The following SLC9A4 variants were observed in gnomAD, a reference collection of about 807,000 sequenced individuals.
SLC9A4 encodes the protein sodium/hydrogen exchanger 4.
SLC9A4 carries 63 observed loss-of-function variants against 67.4 expected under a neutral mutation model. The ratio of observed to expected loss-of-function variants is 0.93; its 90% confidence interval spans 0.76 to 1.15. The LOEUF is 1.15. Ranked by LOEUF, SLC9A4 falls within the 50% of genes most tolerant of loss-of-function variation. SLC9A4 has a pLI of 0.00. For missense variants in SLC9A4, 1,089 were observed against 987.7 expected (o/e 1.10, Z -1.38); for synonymous variants, 393 against 367.2 (o/e 1.07, Z -0.80).
chr2:102,486,904 G>A (rs191550749), intron 2 of SLC9A4, among the ~76,000 whole-genome samples: 14 of 152,296 alleles, frequency 9.2e-5, no homozygotes, highest in Admixed American at 4.6e-4. Context: ...TGGAGATTAC[G>A]CCTAACCTTC....
chr2:102,526,552 C>T (rs1674669686), intron 11 of SLC9A4, among the ~76,000 whole-genome samples: 1 of 152,144 alleles, frequency 6.6e-6, no homozygotes, highest in South Asian at 2.1e-4. Flanking sequence ...TTTTACTTTT[C>T]ATGAAATATT....
intron 2 of SLC9A4, among the ~76,000 whole-genome samples, chr2:102,481,671 A>G (rs1480067305): frequency 6.6e-6 from 1 of 152,196 alleles, no homozygotes; most frequent in African/African-American, 2.4e-5. Context: ...CATAAAGACC[A>G]AATATTTTCT....
intron 11 of SLC9A4, 90 bp downstream of exon 11, chr2:102,526,436 CATT>C: frequency 8.5e-7 from 1 of 1,180,378 alleles, no homozygotes; most frequent in East Asian, 2.4e-5. Flanking sequence ...ACATTAAGAA[CATT>C]ATGTAGGTTA....
At chr2:102,515,848 C>A (rs764384562) in intron 8 of SLC9A4, among the ~76,000 whole-genome samples, 1 of 152,044 alleles carries the variant, frequency 6.6e-6, no homozygotes, top group African/African-American at 2.4e-5. Flanking sequence ...CTCATGGACA[C>A]CATACTCTGG....
At chr2:102,511,991 C>G (rs993062962) in intron 6 of SLC9A4, among the ~76,000 whole-genome samples, 1 of 152,106 alleles carries the variant, frequency 6.6e-6, no homozygotes, top group African/African-American at 2.4e-5. Flanking sequence ...TATGAAGAAA[C>G]TTATCTACAG....
intron 4 of SLC9A4, among the ~76,000 whole-genome samples, chr2:102,507,324 A>C (rs1360547792): frequency 6.6e-6 from 1 of 152,244 alleles, no homozygotes; most frequent in East Asian, 1.9e-4. Flanking sequence ...TTATTCTACG[A>C]AGTGAAACTC....
At chr2:102,496,763 T>TATAGTATGTGCTTTTAC (rs1215706721) in intron 2 of SLC9A4, among the ~76,000 whole-genome samples, 1 of 152,250 alleles carries the variant, frequency 6.6e-6, no homozygotes, top group Non-Finnish European at 1.5e-5. Flanking sequence ...GGGCACAATT[T>TATAGTATGTGCTTTTAC]ATAGTATGTG....
In SLC9A4 at chr2:102,509,023, C is replaced by G. The variant is rs552959814; in HGVS notation, c.1488+90C>G. ...ATGTGCACGTGTCACTAGACTTCCTCTTTCCTTCCCCACTCTGCCAAGAGT... is the reference window on the plus strand; with the variant it reads ...ATGTGCACGTGTCACTAGACTTCCTGTTTCCTTCCCCACTCTGCCAAGAGT... On this transcript the variant is annotated intron_variant, in intron 6 of 11. Coordinates refer to ENST00000295269, the MANE Select transcript of SLC9A4 (RefSeq NM_001011552.4). 63 of 1,097,704 alleles carry G rather than the reference C, an allele frequency of 5.7e-5. No individual in the cohort carries two copies. The African/African-American group carries it at 7.8e-4, about 14-fold the overall frequency. The allele number at this position is 1,097,704 out of a possible 1,614,324, so 68.0% of individuals were successfully genotyped here.
intron 9 of SLC9A4, among the ~76,000 whole-genome samples, chr2:102,524,274 C>T (rs149171152): frequency 9.9e-5 from 15 of 152,264 alleles, no homozygotes; most frequent in Non-Finnish European, 1.8e-4. Flanking sequence ...CCTACTGACC[C>T]CTGGCAAACT....
rs373684225 is a variant in SLC9A4 at position 102,474,040 on chromosome 2, G to A, written c.256+25G>A. ...GGTAAGTCCTTAAACACCTGGTTTG[G>A]TGAGTTATCTTTTTACATAAGATAG... On this transcript the variant is annotated intron_variant, in intron 1 of 11. Transcript: ENST00000295269. 4 of 1,605,070 alleles carry A rather than the reference G, an allele frequency of 2.5e-6. No homozygotes were observed. The African/African-American group carries it at 4.0e-5, about 16-fold the overall frequency.
At chr2:102,526,423 G>A (rs955028626) in intron 11 of SLC9A4, 77 bp downstream of exon 11, 2 of 1,348,028 alleles carry the variant, frequency 1.5e-6, no homozygotes, top group African/African-American at 1.4e-5. Context: ...GGGCCAAGAG[G>A]CAACATTAAG....
intron 3 of SLC9A4, 132 bp downstream of exon 3, chr2:102,503,839 T>C (rs959212329): frequency 2.0e-5 from 26 of 1,276,912 alleles, no homozygotes; most frequent in Non-Finnish European, 2.5e-5. Context: ...TTTAGGATCT[T>C]CTAAACTTTT....
At chr2:102,486,266 G>C (rs534830339) in intron 2 of SLC9A4, among the ~76,000 whole-genome samples, 3 of 152,270 alleles carry the variant, frequency 2.0e-5, no homozygotes, top group African/African-American at 7.2e-5. Flanking sequence ...ATGGAGATAT[G>C]GTTGATGGAG....
At chr2:102,491,711 C>A (rs181331902) in intron 2 of SLC9A4, among the ~76,000 whole-genome samples, 14 of 152,166 alleles carry the variant, frequency 9.2e-5, no homozygotes, top group Admixed American at 9.2e-4. Flanking sequence ...ACCGCTGTCC[C>A]CTCCCAAATC....
At chr2:102,530,022 T>C (rs189472556) in intron 11 of SLC9A4, among the ~76,000 whole-genome samples, 246 of 152,338 alleles carry the variant, frequency 1.6e-3, no homozygotes, top group African/African-American at 5.8e-3. Context: ...AACACGACAA[T>C]GTGAATGCAC....
chr2:102,524,031 T>C (rs748658179), intron 9 of SLC9A4, among the ~76,000 whole-genome samples: 3 of 152,220 alleles, frequency 2.0e-5, no homozygotes, highest in Non-Finnish European at 4.4e-5. Flanking sequence ...ATCTTATCCC[T>C]ATTGATTTGA....
At chr2:102,524,479 T>A (rs965913596) in intron 9 of SLC9A4, among the ~76,000 whole-genome samples, 6 of 152,084 alleles carry the variant, frequency 3.9e-5, no homozygotes, top group East Asian at 1.9e-4. Context: ...CTGTTTTTTT[T>A]AAATCTCAAA....
intron 2 of SLC9A4, among the ~76,000 whole-genome samples, chr2:102,481,689 T>C (rs1282541916): frequency 6.6e-6 from 1 of 152,200 alleles, no homozygotes; most frequent in Non-Finnish European, 1.5e-5. Flanking sequence ...TCTTCCATTC[T>C]ATTATTTAAA....
chr2:102,479,171 C>G lies in SLC9A4; in HGVS notation c.589C>G (p.Leu197Val). The change falls in exon 2 of 12, where the codon CTG (leucine) becomes GTG (valine). Residue 197 changes from leucine to valine, a missense_variant. Transcript: ENST00000295269. ...GGGCGACGTCAACCTGCTGCAGAAC[C>G]TGCTGTTCGGCAGCCTGATCTCCGC... ...GLGDVNLLQN[L>V]LFGSLISAVD... The G allele has an allele frequency of 6.2e-7, 1 of 1,614,184 alleles. No individual in the cohort carries two copies. Among genetic ancestry groups the G allele is most frequent in the Non-Finnish European group, 8.5e-7 (1 of 1,180,020 alleles).
Sources: allele counts gnomAD v4.1 joint callset (sites outside exome capture counted in the v4.1 genomes callset), GRCh38; gene constraint gnomAD v4.1.1; transcripts MANE v1.5; gene names NCBI Gene and HGNC (gene_info 2026-07-23, HGNC 2026-07-21).